Variants in ARHGEF38 observed in about 807,000 individuals in gnomAD.
The protein encoded by ARHGEF38 is Rho guanine nucleotide exchange factor 38.
Under a neutral mutation model 79.9 loss-of-function variants are expected in ARHGEF38, and 79 were observed. The observed-to-expected ratio is 0.99, with a 90% CI of 0.82 to 1.19. ARHGEF38 has a LOEUF of 1.19. ARHGEF38 is among the 50% of genes most tolerant of loss of function. The pLI, the probability that ARHGEF38 is intolerant of heterozygous loss-of-function variation, is 0.00. For missense variants in ARHGEF38, 962 were observed against 907.2 expected, an observed-to-expected ratio of 1.06 and a Z score of -0.78; for synonymous variants, 366 against 328.3, an observed-to-expected ratio of 1.11 and a Z score of -1.24.
At position 105,590,124 on chromosome 4, in the gene ARHGEF38, AAG is replaced by A. The variant is rs1189549550; in HGVS notation, c.384+690_384+691del. 4.0e-3 allele frequency among the ~76,000 whole-genome samples: 566 copies of A among 140,510 alleles called. 2 individuals carry two copies. The highest frequency in any genetic ancestry group is 0.017 in the African/African-American group (544 of 32,156). The allele number at this position is 140,510 out of a possible 152,430, so 92.2% of individuals were successfully genotyped here. On this transcript the variant is annotated intron_variant, in intron 2 of 13. Coordinates refer to ENST00000420470, the MANE Select transcript of ARHGEF38 (RefSeq NM_001242729.2). The stretch of plus-strand genomic sequence containing the variant: ...GAAGGAAGGAAGGAAGGAAGGAAGG[AAG>A]GAAAGAAAGAAAAAAAAGAAAGAAA...
intron 1 of ARHGEF38, among the ~76,000 whole-genome samples, chr4:105,561,075 T>C (rs903879364): frequency 1.3e-5 from 2 of 152,110 alleles, no homozygotes; most frequent in Non-Finnish European, 2.9e-5. Flanking sequence ...TATTAACTAT[T>C]TTGTCTGTCT....
Position 105,645,369 on chromosome 4 carries a change from A to G in ARHGEF38, c.856A>G (p.Lys286Glu). Residue 286 changes from lysine (K) to glutamate (E), a missense_variant, in exon 6 of 14, where the codon AAA becomes GAA. By Grantham distance (56) the Lys-to-Glu change is moderately conservative. Transcript: ENST00000420470. ...CATTAATGTTAACATCAATGAACTT[A>G]AAAGAAGGAAAGATTTAGGTAGGAA... ...KDINVNINELKRRKDLVLKYK... is the reference protein window; with the variant it reads ...KDINVNINELERRKDLVLKYK... The G allele has an allele frequency of 2.0e-6, 3 of 1,525,596 alleles. No homozygotes were observed. The highest frequency in any genetic ancestry group is 2.5e-5 in the South Asian group (2 of 81,362). 94.5% of individuals were successfully genotyped at this position (1,525,596 alleles called of 1,614,324 possible). A position where few individuals can be genotyped will look rare whatever the true frequency, so the allele number is the denominator to read the frequency against.
At chr4:105,620,957 A>G (rs1728713332) in intron 3 of ARHGEF38, among the ~76,000 whole-genome samples, 1 of 152,218 alleles carries the variant, frequency 6.6e-6, no homozygotes, top group Non-Finnish European at 1.5e-5. Flanking sequence ...TAATTTTGGA[A>G]GCCTGCCATT....
rs907796363 is a variant in ARHGEF38, at chr4:105,563,790, C to T, written c.196+10829C>T. ...TAAGTTCTGCCAATACATTCATCGG[C>T]AATCTTGAAGTGAACAGTGACCAAC... On this transcript the variant is annotated intron_variant, in intron 1 of 13. Coordinates refer to ENST00000420470, the MANE Select transcript of ARHGEF38 (RefSeq NM_001242729.2). 4.6e-5 allele frequency among the ~76,000 whole-genome samples: 7 copies of T among 152,186 alleles called. No individual in the cohort carries two copies. The South Asian group carries it at 1.4e-3, about 32-fold the overall frequency.
chr4:105,645,151 A>G lies in ARHGEF38; in HGVS notation c.675-37A>G, dbSNP rs28676814. 7.4e-3 allele frequency: 9,269 copies of G among 1,259,874 alleles called. 484 individuals are homozygous for G. The African/African-American group carries it at 0.12, about 16-fold the overall frequency. 78.0% of individuals were successfully genotyped at this position (1,259,874 alleles called of 1,614,324 possible). A position where few individuals can be genotyped will look rare whatever the true frequency, so the allele number is the denominator to read the frequency against. ...AAATGAAAATGTGTTAATAAAACAT[A>G]TGTTTGTGAAACTGATATTATTTAT... On this transcript the variant is annotated intron_variant, in intron 5 of 13. Transcript: ENST00000420470.
At chr4:105,572,312 T>C (rs1726277691) in intron 1 of ARHGEF38, among the ~76,000 whole-genome samples, 1 of 152,200 alleles carries the variant, frequency 6.6e-6, no homozygotes, top group South Asian at 2.1e-4. Flanking sequence ...GAAGCCTTGC[T>C]ATGTCTATTC....
In ARHGEF38 at chr4:105,659,294, C is replaced by G. The variant is rs1730466642; in HGVS notation, c.1474C>G (p.Leu492Val). Residue 492 changes from leucine (L) to valine (V), a missense_variant, in exon 10 of 14, where the codon CTA becomes GTA. Physicochemically the swap from Leu to Val is conservative, Grantham distance 32. Coordinates refer to ENST00000420470, the MANE Select transcript of ARHGEF38 (RefSeq NM_001242729.2). ...TGCTCGGAAGATTCTGTTGAACTGT[C>G]TATGCAGCTTCATTACCCTCCTTAG... Reference protein sequence around the residue: ...QAARKILLNCLCSFITLLRDL... With the variant: ...QAARKILLNCVCSFITLLRDL... 3.3e-6 allele frequency: 5 copies of G among 1,536,044 alleles called. No individual in the cohort carries two copies. Among genetic ancestry groups the G allele is most frequent in the Non-Finnish European group, 4.4e-6 (5 of 1,146,864 alleles).
intron 13 of ARHGEF38, among the ~76,000 whole-genome samples, chr4:105,674,398 G>A (rs1051209593): frequency 2.0e-5 from 3 of 152,218 alleles, no homozygotes; most frequent in Admixed American, 6.5e-5. Flanking sequence ...TGTAATTAAT[G>A]TGCCTGGACC....
intron 2 of ARHGEF38, among the ~76,000 whole-genome samples, chr4:105,590,105 AGG>A (rs1419668644): frequency 0.011 from 1,572 of 145,342 alleles, 32 homozygotes; most frequent in African/African-American, 0.041. Flanking sequence ...GAAGGAAGGA[AGG>A]AAGGAAGGAA....
chr4:105,553,243 T>A (rs113823009), intron 1 of ARHGEF38, among the ~76,000 whole-genome samples: 6 of 152,288 alleles, frequency 3.9e-5, no homozygotes, highest in African/African-American at 1.4e-4. Context: ...TCTAACTTCC[T>A]CTTTTCTTCT....
At chr4:105,621,304 T>G (rs568774530) in intron 3 of ARHGEF38, among the ~76,000 whole-genome samples, 2 of 152,340 alleles carry the variant, frequency 1.3e-5, no homozygotes, top group South Asian at 4.1e-4. Context: ...AATAACCCAA[T>G]AGCAATAGTC....
At chr4:105,671,356 G>T (rs928533561) in intron 13 of ARHGEF38, among the ~76,000 whole-genome samples, 4 of 152,188 alleles carry the variant, frequency 2.6e-5, no homozygotes, top group African/African-American at 4.8e-5. Flanking sequence ...ATGAGGAAGA[G>T]GATGCACCTG....
chr4:105,671,398 G>T (rs1351030368), intron 13 of ARHGEF38, among the ~76,000 whole-genome samples: 1 of 152,186 alleles, frequency 6.6e-6, no homozygotes, highest in Admixed American at 6.5e-5. Context: ...AGAAGAGAAG[G>T]CCGCATGGAA....
intron 3 of ARHGEF38, among the ~76,000 whole-genome samples, chr4:105,616,710 T>A (rs1728525486): frequency 6.6e-6 from 1 of 152,122 alleles, no homozygotes; most frequent in South Asian, 2.1e-4. Flanking sequence ...GCTGAGCCTA[T>A]AACACACAAA....
At chr4:105,653,608 A>T (rs1364394154) in intron 7 of ARHGEF38, among the ~76,000 whole-genome samples, 1 of 152,222 alleles carries the variant, frequency 6.6e-6, no homozygotes, top group Non-Finnish European at 1.5e-5. Flanking sequence ...GGCCACATTT[A>T]TTTAACCATG....
intron 13 of ARHGEF38, among the ~76,000 whole-genome samples, chr4:105,675,387 C>T (rs1344895480): frequency 6.6e-6 from 1 of 152,110 alleles, no homozygotes; most frequent in Non-Finnish European, 1.5e-5. Context: ...ATTATTGCTA[C>T]CACTCCATTG....
chr4:105,560,554 A>T (rs184957843), intron 1 of ARHGEF38, among the ~76,000 whole-genome samples: 1 of 152,300 alleles, frequency 6.6e-6, no homozygotes, highest in East Asian at 1.9e-4. Flanking sequence ...AGTCAGCTTA[A>T]ATTGTGAGTC....
intron 1 of ARHGEF38, among the ~76,000 whole-genome samples, chr4:105,588,849 C>G (rs890494757): frequency 7.2e-5 from 11 of 152,136 alleles, no homozygotes; most frequent in African/African-American, 2.7e-4. Flanking sequence ...TGACAAAATT[C>G]ATTTTCATTT....
Position 105,645,273 on chromosome 4 carries a change from C to T in ARHGEF38, c.760C>T (p.Leu254Phe), listed in dbSNP as rs528843969. Reference sequence around the variant, plus strand: ...GAAATACCCCCTATTACTGTGCGAACTTCGGAATTCCACCCCTCCCTCTCA... The same window carrying T: ...GAAATACCCCCTATTACTGTGCGAATTTCGGAATTCCACCCCTCCCTCTCA... ...VMKYPLLLCELRNSTPPSHPD... is the reference protein window; with the variant it reads ...VMKYPLLLCEFRNSTPPSHPD... Residue 254 changes from leucine to phenylalanine, a missense_variant, in exon 6 of 14, where the codon CTT becomes TTT. Leu to Phe is a conservative substitution (Grantham distance 22). Coordinates refer to ENST00000420470, the MANE Select transcript of ARHGEF38 (RefSeq NM_001242729.2). 63 of 1,536,656 alleles carry T rather than the reference C, an allele frequency of 4.1e-5. No homozygotes were observed. In the Middle Eastern group the frequency reaches 5.0e-4, roughly 12 times the overall value.
Sources: allele counts gnomAD v4.1 joint callset (sites outside exome capture counted in the v4.1 genomes callset), GRCh38; gene constraint gnomAD v4.1.1; transcripts MANE v1.5; gene names NCBI Gene and HGNC (gene_info 2026-07-23, HGNC 2026-07-21).